Variants in RPS6KA2 observed in about 807,000 individuals in gnomAD.
RPS6KA2 encodes the protein ribosomal protein S6 kinase alpha-2.
A neutral mutation model predicts 91.8 loss-of-function variants in RPS6KA2; 42 were observed. The ratio of observed to expected loss-of-function variants is 0.46; its 90% confidence interval spans 0.36 to 0.59. The LOEUF is 0.59. Ranked by LOEUF, RPS6KA2 falls within the 20% of genes least tolerant of loss-of-function variation. RPS6KA2 has a pLI of 0.00. For missense variants in RPS6KA2, 798 were observed against 978.5 expected, an observed-to-expected ratio of 0.82 and a Z score of 2.46; for synonymous variants, 414 against 393.6, an observed-to-expected ratio of 1.05 and a Z score of -0.61.
intron 2 of RPS6KA2, among the ~76,000 whole-genome samples, chr6:166,812,139 TGAGGTCAG>T (rs1443802436): frequency 6.6e-6 from 1 of 152,140 alleles, no homozygotes; most frequent in Non-Finnish European, 1.5e-5. Flanking sequence ...AGGATCAACC[TGAGGTCAG>T]GAGTTCGAGA....
chr6:166,786,338 T>C (rs919462108), intron 2 of RPS6KA2, among the ~76,000 whole-genome samples: 1 of 152,196 alleles, frequency 6.6e-6, no homozygotes, highest in African/African-American at 2.4e-5. Flanking sequence ...TTACAAATCA[T>C]GGTATTAGCA....
intron 1 of RPS6KA2, among the ~76,000 whole-genome samples, chr6:166,570,481 A>T (rs1319338031): frequency 6.6e-6 from 1 of 152,224 alleles, no homozygotes; most frequent in Non-Finnish European, 1.5e-5. Context: ...TAAACTTAGG[A>T]TATAAGAAAT....
At chr6:166,457,135 TCA>T (rs1399006795) in intron 12 of RPS6KA2, among the ~76,000 whole-genome samples, 1 of 152,254 alleles carries the variant, frequency 6.6e-6, no homozygotes, top group Non-Finnish European at 1.5e-5. Context: ...TGTTGGCACC[TCA>T]CGAGGATGTG....
chr6:166,522,129 A>G (rs1456913370), intron 3 of RPS6KA2, among the ~76,000 whole-genome samples: 2 of 152,270 alleles, frequency 1.3e-5, no homozygotes, highest in Non-Finnish European at 1.5e-5. Context: ...CACACAATCT[A>G]TGATGTTCTG....
intron 1 of RPS6KA2, among the ~76,000 whole-genome samples, chr6:166,553,488 T>G (rs1437208172): frequency 7.2e-6 from 1 of 139,414 alleles, no homozygotes. Flanking sequence ...TGCAAGAAAA[T>G]GCTTGGGAAA....
rs1045925421 is a variant in RPS6KA2 at position 166,563,565 on chromosome 6, AC to A, written c.100-24782del. Among the ~76,000 whole-genome samples, 2 of 147,278 alleles carry A rather than the reference AC, an allele frequency of 1.4e-5. No homozygotes were observed. Among genetic ancestry groups the A allele is most frequent in the African/African-American group, 5.1e-5 (2 of 39,468 alleles). ...GAGCGGCTGACCAGTCACCAGACTC[AC>A]CCCCACCCGCCCTCTCCCCTCCACA... On this transcript the variant is annotated intron_variant, in intron 1 of 20. Coordinates refer to ENST00000265678, the MANE Select transcript of RPS6KA2 (RefSeq NM_021135.6). The surrounding 1 kb of genome is among the most constrained non-coding windows in gnomAD (Gnocchi z 4.1).
At chr6:166,702,464 A>C in intron 2 of RPS6KA2, 2 of 1,585,386 alleles carry the variant, frequency 1.3e-6, no homozygotes, top group Non-Finnish European at 1.7e-6. Flanking sequence ...TTACTGGAAT[A>C]GGTTACATTT....
At chr6:166,714,934 C>T (rs1789969647) in intron 2 of RPS6KA2, among the ~76,000 whole-genome samples, 2 of 152,258 alleles carry the variant, frequency 1.3e-5, no homozygotes, top group Non-Finnish European at 2.9e-5. Flanking sequence ...CTCTCTGCTG[C>T]AGGCCAGGCC....
intron 10 of RPS6KA2, among the ~76,000 whole-genome samples, chr6:166,485,564 T>C (rs1453754493): frequency 6.6e-6 from 1 of 152,068 alleles, no homozygotes; most frequent in Non-Finnish European, 1.5e-5. Context: ...AAGACTCAGA[T>C]CAGAAACATG....
intron 2 of RPS6KA2, among the ~76,000 whole-genome samples, chr6:166,752,702 AG>A (rs1777885086): frequency 6.6e-6 from 1 of 152,208 alleles, no homozygotes; most frequent in African/African-American, 2.4e-5. Context: ...CCCAAGGAAA[AG>A]CACGGATCAC....
chr6:166,858,930 A>G (rs553406689), intron 1 of RPS6KA2, among the ~76,000 whole-genome samples: 2 of 151,448 alleles, frequency 1.3e-5, no homozygotes, highest in East Asian at 3.9e-4. Context: ...GCCAGCCATC[A>G]GCACCGGCTG....
intron 2 of RPS6KA2, among the ~76,000 whole-genome samples, chr6:166,695,807 T>TGGATTCTCAC (rs1789341445): frequency 1.5e-5 from 2 of 132,868 alleles, no homozygotes; most frequent in Admixed American, 1.4e-4. Context: ...TGGATTCTCA[T>TGGATTCTCAC]AGGAGCACTG....
intron 1 of RPS6KA2, among the ~76,000 whole-genome samples, chr6:166,576,176 T>C (rs1354187765): frequency 6.6e-6 from 1 of 152,224 alleles, no homozygotes; most frequent in African/African-American, 2.4e-5. Flanking sequence ...CCCAGCCATG[T>C]GGAACTGTAA....
At chr6:166,851,160 G>A (rs1780730227) in intron 2 of RPS6KA2, among the ~76,000 whole-genome samples, 1 of 152,154 alleles carries the variant, frequency 6.6e-6, no homozygotes, top group African/African-American at 2.4e-5. Context: ...AGGGTGCAAG[G>A]CGTGGAAAAC....
intron 2 of RPS6KA2, among the ~76,000 whole-genome samples, chr6:166,537,053 A>AACT (rs1783502148): frequency 1.3e-5 from 2 of 152,264 alleles, no homozygotes; most frequent in Admixed American, 1.3e-4. Context: ...TTCTGTGAGG[A>AACT]GGACATTGGT....
At chr6:166,720,554 G>C (rs1790144417) in intron 2 of RPS6KA2, among the ~76,000 whole-genome samples, 1 of 152,158 alleles carries the variant, frequency 6.6e-6, no homozygotes, top group South Asian at 2.1e-4. Context: ...AAGTGTAAGA[G>C]AAAGAAAGGC....
At chr6:166,851,711 A>C (rs945040351) in intron 2 of RPS6KA2, among the ~76,000 whole-genome samples, 1 of 152,204 alleles carries the variant, frequency 6.6e-6, no homozygotes, top group Non-Finnish European at 1.5e-5. Context: ...TCGGAAAGAA[A>C]GCACTCTGGG....
At chr6:166,766,066 G>A (rs1407042451) in intron 2 of RPS6KA2, among the ~76,000 whole-genome samples, 1 of 152,192 alleles carries the variant, frequency 6.6e-6, no homozygotes, top group Non-Finnish European at 1.5e-5. Context: ...CCTTTGGGTA[G>A]CCTGAGGTGT....
In RPS6KA2 at chr6:166,851,319, C is replaced by T. The variant is rs114242643; in HGVS notation, c.123+6881G>A. ...CATCGCCTTCTCCAACCTGCTGCTC[C>T]GCACACTAGACACAGAGAAAACGGA... On this transcript the variant is annotated intron_variant, in intron 2 of 21. Coordinates refer to the RPS6KA2 transcript ENST00000503859. Among the ~76,000 whole-genome samples the T allele has an allele frequency of 8.5e-3, 1,302 of 152,288 alleles. 22 individuals are homozygous for T. Among genetic ancestry groups the T allele is most frequent in the African/African-American group, 0.03 (1,233 of 41,558 alleles).
Sources: gnomAD v4.1 joint callset for allele counts (sites outside exome capture counted in the v4.1 genomes callset) on GRCh38, gnomAD v4.1.1 for gene constraint, Gnocchi (gnomAD v3.1) non-coding constraint, MANE v1.5 for transcripts, NCBI Gene and HGNC (gene_info 2026-07-23, HGNC 2026-07-21) for gene names.